Variants in ETHE1 observed in about 807,000 individuals in gnomAD.
ETHE1 encodes the protein persulfide dioxygenase ETHE1, mitochondrial.
ETHE1 carries 16 observed loss-of-function variants against 25.7 expected under a neutral mutation model. The ratio of observed to expected loss-of-function variants is 0.62; its 90% CI spans 0.42 to 0.95. ETHE1 has a LOEUF of 0.95. Ranked by LOEUF, ETHE1 falls within the 40% of genes least tolerant of loss-of-function variation. The probability of loss-of-function intolerance (pLI) is 0.00; values close to 1 mark genes in which losing one functional copy is unlikely to be tolerated. For synonymous variants in ETHE1, 139 were observed against 135.9 expected (o/e 1.02, Z -0.16); for missense variants, 300 against 333.6 (o/e 0.90, Z 0.79).
intron 3 of ETHE1, among the ~76,000 whole-genome samples, chr19:43,516,623 C>CTTTTTTTTTTTT (rs71169249): frequency 1.6e-4 from 18 of 110,154 alleles, no homozygotes; most frequent in East Asian, 2.7e-4. Context: ...TTCTTTTTTT[C>CTTTTTTTTTTTT]TTTTTTTTTT....
chr19:43,518,646 G>A (rs1600004890), intron 3 of ETHE1, among the ~76,000 whole-genome samples: 2 of 151,288 alleles, frequency 1.3e-5, no homozygotes, highest in African/African-American at 4.9e-5. Flanking sequence ...AGCTACTCGG[G>A]AGGCTGAGGC....
intron 3 of ETHE1, among the ~76,000 whole-genome samples, chr19:43,513,730 T>C (rs569855063): frequency 9.2e-5 from 14 of 151,810 alleles, no homozygotes; most frequent in African/African-American, 3.4e-4. Flanking sequence ...TTGATTTTTT[T>C]TTTTTTTTGG....
chr19:43,510,129 C>T (rs948348234), intron 4 of ETHE1, among the ~76,000 whole-genome samples: 1 of 152,130 alleles, frequency 6.6e-6, no homozygotes, highest in Non-Finnish European at 1.5e-5. Context: ...CACCTCTCCC[C>T]ACAAGACAGC....
intron 3 of ETHE1, chr19:43,525,828 C>G: frequency 6.2e-6 from 2 of 321,884 alleles, no homozygotes; most frequent in Non-Finnish European, 1.2e-5. Flanking sequence ...CTTCCTCAAA[C>G]GGAGGTTTCC....
intron 4 of ETHE1, 46 bp from the exon 5 acceptor site, chr19:43,508,910 ACT>A (rs1214989374): frequency 7.1e-7 from 1 of 1,415,122 alleles, no homozygotes; most frequent in South Asian, 1.2e-5. Context: ...AGGACAGAAG[ACT>A]CTAACCCCTT....
At position 43,527,028 on chromosome 19, in the gene ETHE1, G is replaced by A. The variant is rs1221821971; in HGVS notation, c.81+69C>T. On this transcript the variant is annotated intron_variant, in intron 1 of 6. Coordinates refer to ENST00000292147, the MANE Select transcript of ETHE1 (RefSeq NM_014297.5). ...CCCCCCGGATCTCTCCCTATTAAGAGACCCCGGAGTTCCGTCCTTGCTGCC... is the reference window on the plus strand; with the variant it reads ...CCCCCCGGATCTCTCCCTATTAAGAAACCCCGGAGTTCCGTCCTTGCTGCC... 7 of 1,540,132 alleles carry A rather than the reference G, an allele frequency of 4.5e-6. No individual in the cohort carries two copies. In the Admixed American group the frequency reaches 1.2e-4, roughly 26 times the overall value.
intron 4 of ETHE1, 96 bp downstream of exon 4, chr19:43,511,341 C>T: frequency 1.3e-6 from 2 of 1,577,754 alleles, no homozygotes; most frequent in Non-Finnish European, 1.7e-6. Context: ...CCCTAAAAGT[C>T]TAATGTCCAT....
chr19:43,515,507 G>A (rs145013262), intron 3 of ETHE1, among the ~76,000 whole-genome samples: 224 of 151,632 alleles, frequency 1.5e-3, no homozygotes, highest in African/African-American at 5.1e-3. Context: ...TTCCTTATCC[G>A]CAGGGGATAC....
intron 3 of ETHE1, among the ~76,000 whole-genome samples, chr19:43,524,391 A>T (rs1197342838): frequency 1.0e-5 from 1 of 98,454 alleles, no homozygotes; most frequent in Non-Finnish European, 2.3e-5. Context: ...TCTCAAATTA[A>T]AAAAAAAAAA....
chr19:43,527,171 C>T lies in ETHE1; in HGVS notation c.7G>A (p.Glu3Lys). MA[E>K]AVLRVARRQL... is the part of the protein sequence containing the mutation. ...CGCCGGGCGACCCTCAGTACAGCCT[C>T]CGCCATCGCGCCCACTGCGGGGTCA... is the stretch of plus-strand genomic sequence containing the variant. Residue 3 changes from glutamate to lysine, a missense_variant, in exon 1 of 7, where the codon GAG becomes AAG. Physicochemically the swap from Glu to Lys is moderately conservative, Grantham distance 56 (BLOSUM62 1). Coordinates refer to ENST00000292147, the MANE Select transcript of ETHE1 (RefSeq NM_014297.5). 2 of 1,539,640 alleles carry T rather than the reference C, an allele frequency of 1.3e-6. No homozygotes were observed. Among genetic ancestry groups the T allele is most frequent in the South Asian group, 1.2e-5 (1 of 84,116 alleles).
intron 3 of ETHE1, chr19:43,525,899 C>G (rs922673989): frequency 8.7e-6 from 4 of 458,102 alleles, no homozygotes; most frequent in African/African-American, 7.9e-5. Context: ...AGCCCCTAAT[C>G]AACTTTTATG....
intron 3 of ETHE1, among the ~76,000 whole-genome samples, chr19:43,516,915 G>A (rs768715137): frequency 2.6e-5 from 4 of 151,962 alleles, no homozygotes; most frequent in African/African-American, 4.8e-5. Flanking sequence ...CAGGTGTGAT[G>A]TGCCCGATGA....
At chr19:43,517,644 G>A (rs913275230) in intron 3 of ETHE1, among the ~76,000 whole-genome samples, 1 of 151,794 alleles carries the variant, frequency 6.6e-6, no homozygotes, top group African/African-American at 2.4e-5. Context: ...AGGCGTGGTG[G>A]TGATGTCTGT....
intron 3 of ETHE1, among the ~76,000 whole-genome samples, chr19:43,514,061 T>C (rs889775773): frequency 2.6e-5 from 4 of 151,960 alleles, no homozygotes; most frequent in African/African-American, 9.7e-5. Flanking sequence ...GAGTTAATAG[T>C]GAAATGAGTT....
intron 1 of ETHE1, 160 bp downstream of exon 1, chr19:43,526,937 C>A: frequency 1.3e-6 from 2 of 1,508,122 alleles, no homozygotes; most frequent in Admixed American, 2.1e-5. Flanking sequence ...GACCACTCAC[C>A]TTTAAAGGAC....
chr19:43,526,046 C>A, intron 3 of ETHE1, 155 bp downstream of exon 3: 9 of 1,144,188 alleles, frequency 7.9e-6, no homozygotes, highest in Non-Finnish European at 1.1e-5. Flanking sequence ...GTTTATGGTG[C>A]CCCCCTCCCA....
intron 1 of ETHE1, 113 bp from the exon 2 acceptor site, chr19:43,526,772 C>G (rs1429090754): frequency 6.4e-7 from 1 of 1,554,630 alleles, no homozygotes; most frequent in Admixed American, 1.9e-5. Flanking sequence ...GAAACCCCAG[C>G]CCACTCTTTC....
rs71169253 is a variant in ETHE1, at chr19:43,518,999, G to GTTTTTTTTTTTTTTTTTTTTT, written c.375+7181_375+7201dup. The stretch of plus-strand genomic sequence containing the variant: ...CTGATGGCTGATGAAATTTGTGCTT[G>GTTTTTTTTTTTTTTTTTTTTT]TTTTTTTTTTTTTTTTTTTTTTTTT... On this transcript the variant is annotated intron_variant, in intron 3 of 6. Coordinates refer to ENST00000292147, the MANE Select transcript of ETHE1 (RefSeq NM_014297.5). 7.7e-5 allele frequency among the ~76,000 whole-genome samples: 7 copies of GTTTTTTTTTTTTTTTTTTTTT among 91,010 alleles called. 1 individual carries two copies. Among genetic ancestry groups the GTTTTTTTTTTTTTTTTTTTTT allele is most frequent in the Non-Finnish European group, 1.1e-4 (5 of 46,580 alleles). 59.7% of individuals were successfully genotyped at this position (91,010 alleles called of 152,430 possible). A position where few individuals can be genotyped will look rare whatever the true frequency, so the allele number is the denominator to read the frequency against.
intron 3 of ETHE1, among the ~76,000 whole-genome samples, chr19:43,519,681 C>CA (rs1328838449): frequency 6.6e-6 from 1 of 152,150 alleles, no homozygotes; most frequent in Non-Finnish European, 1.5e-5. Flanking sequence ...CCCCTGGTGG[C>CA]AAGTAAGCTC....
Sources: allele counts gnomAD v4.1 joint callset (sites outside exome capture counted in the v4.1 genomes callset), GRCh38; gene constraint gnomAD v4.1.1; transcripts MANE v1.5; gene names NCBI Gene and HGNC (gene_info 2026-07-23, HGNC 2026-07-21).